Variants in CDH17 observed in about 807,000 individuals in gnomAD.
CDH17 encodes the protein cadherin-17.
In CDH17, 67 loss-of-function variants were observed where a neutral mutation model predicts 86.3. That is an observed-to-expected ratio of 0.78 (90% CI 0.64 to 0.95). The LOEUF (loss-of-function observed/expected upper bound fraction) is 0.95, where lower values mean the gene tolerates loss of function less well. Among genes scored for constraint, CDH17 ranks in the 40% least tolerant of loss-of-function variants. CDH17 has a pLI of 0.00. For synonymous variants in CDH17, 367 were observed against 366.4 expected, an observed-to-expected ratio of 1.00 and a Z score of -0.02; for missense variants, 993 against 1,017.6, an observed-to-expected ratio of 0.98 and a Z score of 0.33.
intron 12 of CDH17, among the ~76,000 whole-genome samples, chr8:94,154,057 A>C (rs1812905239): frequency 1.3e-5 from 2 of 152,222 alleles, no homozygotes; most frequent in South Asian, 4.1e-4. Context: ...AAAAATGATA[A>C]GTGAGGTAAT....
rs150908043 is a variant in CDH17, at chr8:94,151,989, C to T, written c.1675G>A (p.Asp559Asn). The change falls in exon 13 of 18, where the codon GAT becomes AAT. Residue 559 changes from aspartate to asparagine, a missense_variant. Coordinates refer to ENST00000027335, the MANE Select transcript of CDH17 (RefSeq NM_004063.4). ...GAAAATTGAGGTGCTTCATTCACAT[C>T]TGTCACAATAAGCGTGAACTTGGCA... The part of the protein sequence containing the change: ...SFAKFTLIVT[D>N]VNEAPQFSQH... 8.5e-5 allele frequency: 138 copies of T among 1,614,214 alleles called. 1 individual carries two copies. In the East Asian group the frequency reaches 2.6e-3, roughly 31 times the overall value.
rs1401679819 is a variant in CDH17, at chr8:94,175,505, G to A, written c.424+1036C>T. 2.0e-5 allele frequency among the ~76,000 whole-genome samples: 3 copies of A among 152,146 alleles called. No individual in the cohort carries two copies. The East Asian group carries it at 5.8e-4, about 29-fold the overall frequency. ...AGTCTTGATTAGTATTATTTTAAAT[G>A]AATATCTTTAAAATTTCTAATACAG... On this transcript the variant is annotated intron_variant, in intron 5 of 17. Transcript: ENST00000027335.
intron 3 of CDH17, among the ~76,000 whole-genome samples, chr8:94,181,119 G>C (rs563996412): frequency 6.6e-6 from 1 of 152,114 alleles, no homozygotes; most frequent in African/African-American, 2.4e-5. Context: ...AATGATATAA[G>C]GGTCAATCCA....
chr8:94,129,349 A>T (rs745405163), intron 17 of CDH17, among the ~76,000 whole-genome samples: 7 of 152,144 alleles, frequency 4.6e-5, no homozygotes, highest in Non-Finnish European at 1.0e-4. Flanking sequence ...AGTGGTTCTC[A>T]GGGAGGAAAG....
chr8:94,132,923 A>T (rs1812447822), intron 15 of CDH17, among the ~76,000 whole-genome samples: 1 of 152,192 alleles, frequency 6.6e-6, no homozygotes. Context: ...TTAAATAGGG[A>T]ATCCTTTCCC....
chr8:94,160,891 G>A (rs1357051404), intron 11 of CDH17, among the ~76,000 whole-genome samples: 1 of 152,190 alleles, frequency 6.6e-6, no homozygotes, highest in East Asian at 1.9e-4. Flanking sequence ...ACAGCTAGTG[G>A]GTCAAAGGGA....
chr8:94,189,464 T>A (rs1201530663), intron 2 of CDH17, among the ~76,000 whole-genome samples, 179 bp from the exon 3 acceptor site: 1 of 152,168 alleles, frequency 6.6e-6, no homozygotes, highest in Non-Finnish European at 1.5e-5. Context: ...AGTAGCTTGT[T>A]ACAAACCTTT....
chr8:94,184,888 C>T (rs1813548732), intron 3 of CDH17, among the ~76,000 whole-genome samples: 1 of 152,016 alleles, frequency 6.6e-6, no homozygotes, highest in Non-Finnish European at 1.5e-5. Flanking sequence ...TATTAAAAAC[C>T]CAAGAACCAA....
chr8:94,161,106 C>G (rs895283245), intron 11 of CDH17, among the ~76,000 whole-genome samples: 5 of 152,202 alleles, frequency 3.3e-5, no homozygotes, highest in African/African-American at 1.2e-4. Context: ...AGTATTTAAG[C>G]TCTGAGACCT....
intron 1 of CDH17, among the ~76,000 whole-genome samples, chr8:94,205,053 T>C (rs1813998361): frequency 6.6e-6 from 1 of 152,172 alleles, no homozygotes; most frequent in Non-Finnish European, 1.5e-5. Flanking sequence ...AGTGTTCCAA[T>C]AATGGAACAC....
intron 4 of CDH17, 37 bp downstream of exon 4, chr8:94,177,550 G>A (rs754221699): frequency 1.2e-6 from 2 of 1,610,502 alleles, no homozygotes; most frequent in South Asian, 2.2e-5. Context: ...TGCTCAGAGA[G>A]GTTGGAGTTA....
intron 3 of CDH17, among the ~76,000 whole-genome samples, chr8:94,183,553 C>A (rs897360157): frequency 1.3e-5 from 2 of 149,090 alleles, no homozygotes; most frequent in African/African-American, 5.2e-5. Flanking sequence ...ATACCATACA[C>A]AAAACTAACT....
chr8:94,154,248 G>A (rs1812908168), intron 12 of CDH17, among the ~76,000 whole-genome samples: 1 of 152,156 alleles, frequency 6.6e-6, no homozygotes, highest in South Asian at 2.1e-4. Context: ...AGTCTTTTCT[G>A]CAGGTCTTAC....
At chr8:94,205,542 T>C (rs1379679673) in intron 1 of CDH17, among the ~76,000 whole-genome samples, 1 of 152,208 alleles carries the variant, frequency 6.6e-6, no homozygotes. Flanking sequence ...ATGCCAAGAA[T>C]GTGCAGTCAT....
intron 1 of CDH17, among the ~76,000 whole-genome samples, chr8:94,216,767 C>T (rs1814200696): frequency 6.6e-6 from 1 of 152,142 alleles, no homozygotes; most frequent in South Asian, 2.1e-4. Flanking sequence ...TATCCAAACT[C>T]CACTCCTCTT....
intron 1 of CDH17, among the ~76,000 whole-genome samples, chr8:94,204,349 C>CA (rs1813982679): frequency 2.0e-5 from 3 of 151,786 alleles, no homozygotes; most frequent in Admixed American, 2.0e-4. Context: ...TCCCCTGTGT[C>CA]ATGTGTTCTC....
At chr8:94,167,117 A>G (rs1281149137) in intron 9 of CDH17, among the ~76,000 whole-genome samples, 1 of 152,180 alleles carries the variant, frequency 6.6e-6, no homozygotes, top group Non-Finnish European at 1.5e-5. Context: ...CTCTACTCCA[A>G]AGATAACACA....
At chr8:94,141,960 A>G (rs1249768474) in intron 15 of CDH17, among the ~76,000 whole-genome samples, 1 of 152,226 alleles carries the variant, frequency 6.6e-6, no homozygotes, top group African/African-American at 2.4e-5. Flanking sequence ...AGCCTTATAC[A>G]GCTACAGCAA....
chr8:94,137,972 T>C (rs551503398), intron 15 of CDH17, among the ~76,000 whole-genome samples: 1 of 152,314 alleles, frequency 6.6e-6, no homozygotes, highest in Non-Finnish European at 1.5e-5. Flanking sequence ...GTTAGCTATG[T>C]AATTGGGTAA....
Sources: gnomAD v4.1 joint callset for allele counts (sites outside exome capture counted in the v4.1 genomes callset) on GRCh38, gnomAD v4.1.1 for gene constraint, MANE v1.5 for transcripts, NCBI Gene and HGNC (gene_info 2026-07-23, HGNC 2026-07-21) for gene names.